The following TMEM132C variants were observed in gnomAD, a reference collection of about 807,000 sequenced individuals.
TMEM132C encodes the protein protein phosphatase 1, regulatory subunit 152.
Under a neutral mutation model 61.4 loss-of-function variants are expected in TMEM132C, and 29 were observed. That is an observed-to-expected ratio of 0.47 (90% confidence interval 0.35 to 0.64). The LOEUF is 0.64. TMEM132C is among the 30% of genes least tolerant of loss of function. The probability of loss-of-function intolerance (pLI) is 0.00; values close to 1 mark genes in which losing one functional copy is unlikely to be tolerated. For synonymous variants in TMEM132C, 656 were observed against 633.1 expected, an observed-to-expected ratio of 1.04 and a Z score of -0.54; for missense variants, 1,408 against 1,476.9, an observed-to-expected ratio of 0.95 and a Z score of 0.76.
At chr12:128,356,212 A>G (rs147893291) in intron 1 of TMEM132C, among the ~76,000 whole-genome samples, 52 of 152,334 alleles carry the variant, frequency 3.4e-4, no homozygotes, top group Middle Eastern at 3.4e-3. Flanking sequence ...ACGCACCTTT[A>G]AAGACTAGAA....
intron 4 of TMEM132C, among the ~76,000 whole-genome samples, chr12:128,643,278 CA>C (rs879825728): frequency 6.6e-6 from 1 of 152,146 alleles, no homozygotes; most frequent in African/African-American, 2.4e-5. Context: ...AAAATGTCTC[CA>C]CTAATTTGCA....
chr12:128,612,075 G>T (rs979474298), intron 3 of TMEM132C, among the ~76,000 whole-genome samples: 1 of 152,188 alleles, frequency 6.6e-6, no homozygotes, highest in Non-Finnish European at 1.5e-5. Flanking sequence ...AAAGAGACAA[G>T]GGCATTGGTT....
intron 2 of TMEM132C, among the ~76,000 whole-genome samples, chr12:128,498,947 T>C (rs934955553): frequency 6.6e-6 from 1 of 152,158 alleles, no homozygotes; most frequent in Non-Finnish European, 1.5e-5. Context: ...AAGATGGTAA[T>C]ATTACTCTCC....
chr12:128,520,683 AT>A (rs1214191823), intron 2 of TMEM132C, among the ~76,000 whole-genome samples: 1 of 152,194 alleles, frequency 6.6e-6, no homozygotes, highest in Non-Finnish European at 1.5e-5. Flanking sequence ...CCCAGTTGTG[AT>A]TGTAAGAATT....
At chr12:128,629,009 TGAG>T (rs1317512477) in intron 4 of TMEM132C, among the ~76,000 whole-genome samples, 2 of 152,262 alleles carry the variant, frequency 1.3e-5, no homozygotes, top group African/African-American at 4.8e-5. Flanking sequence ...AATTGTCACA[TGAG>T]GAGGAAAGAA....
In TMEM132C at chr12:128,414,745, C is replaced by T. The variant is rs1215663899; in HGVS notation, c.99C>T (p.His33=). ...TTCCCTTTTTAGTGATAGAGGGTCA[C>T]GGGGTCACAGACAACATACAGAGAT... ...GALLGKVIEG[H]GVTDNIQRFS... Residue 33 remains histidine, a synonymous_variant, in exon 2 of 9, where the codon CAC becomes CAT. Transcript: ENST00000435159. 17 of 1,526,004 alleles carry T rather than the reference C, an allele frequency of 1.1e-5. No homozygotes were observed. Among genetic ancestry groups the T allele is most frequent in the African/African-American group, 1.4e-5 (1 of 72,622 alleles). 94.5% of individuals were successfully genotyped at this position (1,526,004 alleles called of 1,614,324 possible).
chr12:128,430,297 C>T (rs543277461), intron 2 of TMEM132C, among the ~76,000 whole-genome samples: 3 of 152,276 alleles, frequency 2.0e-5, no homozygotes, highest in African/African-American at 7.2e-5. Context: ...TACCATAGCA[C>T]AAATGACGGA....
chr12:128,480,926 A>G (rs953609291), intron 2 of TMEM132C, among the ~76,000 whole-genome samples: 5 of 152,164 alleles, frequency 3.3e-5, no homozygotes, highest in African/African-American at 1.2e-4. Flanking sequence ...GTCAGCTCAG[A>G]GAGGGTGGGG....
rs111524442 is a variant in TMEM132C, at chr12:128,474,189, G to T, written c.974+58569G>T. On this transcript the variant is annotated intron_variant, in intron 2 of 8. Transcript: ENST00000435159. ...GTCCCACCCCAGAGCATCTGGTTTG[G>T]CAAGTCTAGGGTGAGACCTGGGAAT... is the stretch of plus-strand genomic sequence containing the variant. Among the ~76,000 whole-genome samples the T allele has an allele frequency of 6.7e-3, 1,022 of 152,306 alleles. 11 individuals are homozygous for T. Among genetic ancestry groups the T allele is most frequent in the South Asian group, 0.044 (212 of 4,824 alleles).
At chr12:128,385,549 G>A (rs1042850653) in intron 1 of TMEM132C, among the ~76,000 whole-genome samples, 2 of 152,304 alleles carry the variant, frequency 1.3e-5, no homozygotes, top group South Asian at 2.1e-4. Context: ...TGTGAGGGCC[G>A]CTATAAGAGA....
At position 128,420,468 on chromosome 12, in the gene TMEM132C, G is replaced by A. The variant is rs1299695778; in HGVS notation, c.974+4848G>A. On this transcript the variant is annotated intron_variant, in intron 2 of 8. Coordinates refer to ENST00000435159, the MANE Select transcript of TMEM132C (RefSeq NM_001136103.3). ...ACAGAATGGAAGATTGGAGAGGTAG[G>A]GGGAGGCGAGCTCAGAGGGGAGCTG... Among the ~76,000 whole-genome samples the A allele has an allele frequency of 3.3e-5, 5 of 152,278 alleles. No homozygotes were observed. The South Asian group carries it at 6.2e-4, about 19-fold the overall frequency.
At chr12:128,289,539 C>T (rs1258310882) in intron 1 of TMEM132C, among the ~76,000 whole-genome samples, 1 of 152,172 alleles carries the variant, frequency 6.6e-6, no homozygotes, top group Non-Finnish European at 1.5e-5. Context: ...GCTGAAAACA[C>T]ATGCAAGCAC....
intron 2 of TMEM132C, among the ~76,000 whole-genome samples, chr12:128,507,004 A>C (rs905757149): frequency 6.6e-6 from 1 of 152,124 alleles, no homozygotes; most frequent in African/African-American, 2.4e-5. Flanking sequence ...ATACCCTGAA[A>C]AGGAAGCCCA....
intron 5 of TMEM132C, among the ~76,000 whole-genome samples, chr12:128,681,536 C>T (rs1954634148): frequency 6.6e-6 from 1 of 152,052 alleles, no homozygotes; most frequent in Admixed American, 6.6e-5. Context: ...ATGAAGTAAT[C>T]AGTATTTTTA....
chr12:128,679,163 G>A (rs576948771), intron 5 of TMEM132C, among the ~76,000 whole-genome samples: 4 of 152,210 alleles, frequency 2.6e-5, no homozygotes, highest in Non-Finnish European at 5.9e-5. Context: ...GGTAATGGGG[G>A]TCATGGCAGC....
chr12:128,427,999 C>T (rs943082251), intron 2 of TMEM132C, among the ~76,000 whole-genome samples: 6 of 152,288 alleles, frequency 3.9e-5, no homozygotes, highest in Admixed American at 1.3e-4. Context: ...TGGGACCTGT[C>T]GGTCCCAAGA....
chr12:128,658,469 C>G (rs889383905), intron 4 of TMEM132C, among the ~76,000 whole-genome samples: 2 of 152,184 alleles, frequency 1.3e-5, no homozygotes, highest in Non-Finnish European at 2.9e-5. Context: ...GGGATGTTTC[C>G]CCAACCAACT....
At chr12:128,469,569 T>C (rs970841072) in intron 2 of TMEM132C, among the ~76,000 whole-genome samples, 1 of 152,060 alleles carries the variant, frequency 6.6e-6, no homozygotes, top group Non-Finnish European at 1.5e-5. Context: ...CACCCAGCTT[T>C]ACAGCCATGA....
intron 1 of TMEM132C, among the ~76,000 whole-genome samples, chr12:128,282,318 G>A (rs1010630075): frequency 8.5e-5 from 13 of 152,186 alleles, no homozygotes; most frequent in African/African-American, 3.1e-4. Context: ...CCTGAGACGG[G>A]GTAATTTATA....
Sources: gnomAD v4.1 joint callset for allele counts (sites outside exome capture counted in the v4.1 genomes callset) on GRCh38, gnomAD v4.1.1 for gene constraint, MANE v1.5 for transcripts, NCBI Gene and HGNC (gene_info 2026-07-23, HGNC 2026-07-21) for gene names.